Variants in IDE observed in about 807,000 individuals in gnomAD.
IDE encodes insulin-degrading enzyme.
A neutral mutation model predicts 133.2 loss-of-function variants in IDE; 58 were observed. That is an observed-to-expected ratio of 0.44 (90% CI 0.35 to 0.54). IDE has a LOEUF of 0.54. IDE is among the 20% of genes least tolerant of loss of function. The probability of loss-of-function intolerance (pLI) is 0.00; values close to 1 mark genes in which losing one functional copy is unlikely to be tolerated. For synonymous variants in IDE, 396 were observed against 421.3 expected, an observed-to-expected ratio of 0.94 and a Z score of 0.73; for missense variants, 981 against 1,234.0, an observed-to-expected ratio of 0.79 and a Z score of 3.07.
intron 2 of IDE, 84 bp from the exon 3 acceptor site, chr10:92,534,869 A>G (rs866676969): frequency 3.3e-6 from 3 of 908,382 alleles, no homozygotes; most frequent in Non-Finnish European, 1.7e-6. Flanking sequence ...TCTTGTTAGC[A>G]TGACAACTCC....
chr10:92,548,701 A>T (rs1196879981), intron 1 of IDE, among the ~76,000 whole-genome samples: 1 of 152,198 alleles, frequency 6.6e-6, no homozygotes, highest in Non-Finnish European at 1.5e-5. Context: ...GGTCAAAAAC[A>T]TTCATTAGGT....
At chr10:92,568,422 A>G (rs1428901516) in intron 1 of IDE, among the ~76,000 whole-genome samples, 4 of 152,246 alleles carry the variant, frequency 2.6e-5, no homozygotes, top group Non-Finnish European at 4.4e-5. Flanking sequence ...GTCAAAAGCT[A>G]TAAAACTAAA....
chr10:92,531,951 A>C (rs1446812647), intron 3 of IDE, 34 bp from the exon 4 acceptor site: 1 of 1,403,848 alleles, frequency 7.1e-7, no homozygotes, highest in Non-Finnish European at 9.5e-7. Context: ...AACTTGAAAG[A>C]TGTCATTTTA....
At chr10:92,456,107 T>C (rs762459911) in intron 23 of IDE, among the ~76,000 whole-genome samples, 7 of 152,212 alleles carry the variant, frequency 4.6e-5, no homozygotes, top group Non-Finnish European at 8.8e-5. Context: ...TGCAGCCTGT[T>C]TGGAGACACC....
intron 1 of IDE, among the ~76,000 whole-genome samples, chr10:92,564,997 G>A (rs1843463882): frequency 1.3e-5 from 2 of 151,958 alleles, no homozygotes; most frequent in Admixed American, 1.3e-4. Flanking sequence ...TGTAATCCCA[G>A]CACTTTGGGA....
intron 1 of IDE, among the ~76,000 whole-genome samples, chr10:92,565,836 A>G (rs1326387243): frequency 2.0e-5 from 3 of 152,092 alleles, no homozygotes; most frequent in African/African-American, 7.2e-5. Context: ...TAACGTCCCC[A>G]TCTCTACTAA....
intron 6 of IDE, among the ~76,000 whole-genome samples, chr10:92,509,151 G>A (rs1434975629): frequency 1.3e-5 from 2 of 152,130 alleles, no homozygotes; most frequent in Non-Finnish European, 2.9e-5. Context: ...TTATCTTCAG[G>A]TACAGGTTAA....
chr10:92,510,761 T>C (rs910396559), intron 5 of IDE, among the ~76,000 whole-genome samples: 5 of 125,844 alleles, frequency 4.0e-5, no homozygotes, highest in African/African-American at 9.6e-5. Flanking sequence ...ACATCTCACA[T>C]ATATGATATA....
chr10:92,460,636 A>T (rs1338839719), intron 22 of IDE, among the ~76,000 whole-genome samples: 1 of 152,194 alleles, frequency 6.6e-6, no homozygotes, highest in Non-Finnish European at 1.5e-5. Context: ...ATATCTCATA[A>T]TGTGGGCTGT....
intron 1 of IDE, among the ~76,000 whole-genome samples, chr10:92,551,350 A>C (rs968585244): frequency 2.6e-5 from 4 of 152,164 alleles, no homozygotes; most frequent in African/African-American, 9.7e-5. Flanking sequence ...CAGGTGGATC[A>C]GGAGGTCAAG....
At chr10:92,564,150 T>C (rs778702165) in intron 1 of IDE, among the ~76,000 whole-genome samples, 7 of 152,094 alleles carry the variant, frequency 4.6e-5, no homozygotes, top group Non-Finnish European at 1.0e-4. Flanking sequence ...TGTTCCAATA[T>C]ACAACTACTC....
intron 21 of IDE, 69 bp from the exon 22 acceptor site, chr10:92,461,321 T>C: frequency 6.6e-6 from 5 of 758,960 alleles, no homozygotes; most frequent in South Asian, 1.5e-5. Context: ...GTACACTAAA[T>C]GACAATATAC....
chr10:92,519,374 A>C (rs2135588417), intron 4 of IDE, among the ~76,000 whole-genome samples: 1 of 152,292 alleles, frequency 6.6e-6, no homozygotes, highest in East Asian at 1.9e-4. Flanking sequence ...GTCAAATTAA[A>C]ATGCTGCTAC....
At chr10:92,486,426 C>T (rs994412269) in intron 13 of IDE, among the ~76,000 whole-genome samples, 1 of 152,024 alleles carries the variant, frequency 6.6e-6, no homozygotes, top group Non-Finnish European at 1.5e-5. Context: ...TTTAGTGTTC[C>T]TAAACACTAA....
intron 10 of IDE, 84 bp from the exon 11 acceptor site, chr10:92,504,981 C>T: frequency 3.0e-6 from 2 of 657,710 alleles, no homozygotes; most frequent in South Asian, 2.0e-5. Context: ...ACATTAAATT[C>T]ATTACTGTAC....
chr10:92,527,186 A>G (rs545787377), intron 4 of IDE, among the ~76,000 whole-genome samples: 8 of 152,318 alleles, frequency 5.3e-5, no homozygotes, highest in South Asian at 2.1e-4. Context: ...TAGTCTATAG[A>G]AAGTCTACAT....
chr10:92,573,293 T>A (rs1843877250), intron 1 of IDE: 1 of 518,792 alleles, frequency 1.9e-6, no homozygotes, highest in African/African-American at 2.1e-5. Context: ...GCTCCGGTTG[T>A]CTCCGACGTA....
chr10:92,547,055 CTT>C (rs1427395198), intron 1 of IDE, among the ~76,000 whole-genome samples: 1 of 152,132 alleles, frequency 6.6e-6, no homozygotes, highest in Non-Finnish European at 1.5e-5. Context: ...GCAAGGGCAG[CTT>C]AAAGACACCT....
intron 4 of IDE, 49 bp from the exon 5 acceptor site, chr10:92,515,091 T>G (rs1389890730): frequency 1.3e-6 from 2 of 1,485,790 alleles, no homozygotes; most frequent in Admixed American, 2.0e-5. Flanking sequence ...ATATGTGGAC[T>G]TTTAAAGTTT....
Sources: allele counts gnomAD v4.1 joint callset (sites outside exome capture counted in the v4.1 genomes callset), GRCh38; gene constraint gnomAD v4.1.1; transcripts MANE v1.5; gene names NCBI Gene and HGNC (gene_info 2026-07-23, HGNC 2026-07-21).